Variants in LHFPL6 observed in about 807,000 individuals in gnomAD.
LHFPL6 encodes the protein LHFPL tetraspan subfamily member 6.
LHFPL6 carries 9 observed loss-of-function variants against 20.6 expected under a neutral mutation model. That is an observed-to-expected ratio of 0.44 (90% CI 0.26 to 0.76). The LOEUF is 0.76. Ranked by LOEUF, LHFPL6 falls within the 30% of genes least tolerant of loss-of-function variation. The pLI is 0.20. For missense variants in LHFPL6, 218 were observed against 253.5 expected (o/e 0.86, Z 0.95); for synonymous variants, 105 against 98.7 (o/e 1.06, Z -0.38).
intron 3 of LHFPL6, among the ~76,000 whole-genome samples, chr13:39,361,394 T>G (rs528853064): frequency 6.6e-6 from 1 of 152,100 alleles, no homozygotes; most frequent in Non-Finnish European, 1.5e-5. Context: ...CTTGGCTCAC[T>G]GCAACCTCCG....
At chr13:39,486,181 T>C (rs1434854635) in intron 2 of LHFPL6, among the ~76,000 whole-genome samples, 1 of 151,994 alleles carries the variant, frequency 6.6e-6, no homozygotes, top group Admixed American at 6.6e-5. Context: ...CACTGGAGAG[T>C]GGAAGTGGAA....
chr13:39,513,100 T>C (rs1386010856), intron 2 of LHFPL6, among the ~76,000 whole-genome samples: 16 of 152,254 alleles, frequency 1.1e-4, no homozygotes, highest in Non-Finnish European at 1.5e-5. Context: ...TTCTGAATAA[T>C]AGCAAATAAC....
chr13:39,494,921 C>T lies in LHFPL6; in HGVS notation c.385+105911G>A, dbSNP rs1210076029. On this transcript the variant is annotated intron_variant, in intron 2 of 3. Coordinates refer to ENST00000379589, the MANE Select transcript of LHFPL6 (RefSeq NM_005780.3). ...AACAGATTGCTTATACTACCGATCACATGAGCTGGCAGCTGGAAAGTCATT... is the reference window on the plus strand; with the variant it reads ...AACAGATTGCTTATACTACCGATCATATGAGCTGGCAGCTGGAAAGTCATT... Among the ~76,000 whole-genome samples, 3 of 152,194 alleles carry T rather than the reference C, an allele frequency of 2.0e-5. No homozygotes were observed. In the East Asian group the frequency reaches 5.8e-4, roughly 29 times the overall value.
At chr13:39,533,199 C>T (rs1304070869) in intron 2 of LHFPL6, among the ~76,000 whole-genome samples, 3 of 152,162 alleles carry the variant, frequency 2.0e-5, no homozygotes, top group Non-Finnish European at 4.4e-5. Context: ...AAGTCCTTAC[C>T]CATATCTGGG....
intron 2 of LHFPL6, among the ~76,000 whole-genome samples, chr13:39,532,529 G>C: frequency 6.6e-6 from 1 of 152,094 alleles, no homozygotes; most frequent in East Asian, 1.9e-4. Flanking sequence ...GAAAATATCA[G>C]TCCTTTTTAC....
chr13:39,568,920 C>T (rs186367143), intron 2 of LHFPL6, among the ~76,000 whole-genome samples: 9 of 152,322 alleles, frequency 5.9e-5, no homozygotes, highest in African/African-American at 2.2e-4. Flanking sequence ...TTCACCCACA[C>T]TCCTCAATCA....
At chr13:39,566,577 CA>C (rs1450689129) in intron 2 of LHFPL6, among the ~76,000 whole-genome samples, 3 of 151,186 alleles carry the variant, frequency 2.0e-5, no homozygotes, top group Admixed American at 6.6e-5. Flanking sequence ...GCGGTCTCTA[CA>C]AAAAATTAGC....
chr13:39,425,293 C>T (rs1871609526), intron 2 of LHFPL6, among the ~76,000 whole-genome samples: 1 of 152,218 alleles, frequency 6.6e-6, no homozygotes, highest in African/African-American at 2.4e-5. Flanking sequence ...AGGTATATCA[C>T]AATTTGCTTA....
intron 2 of LHFPL6, among the ~76,000 whole-genome samples, chr13:39,440,789 G>A (rs559434211): frequency 7.2e-5 from 11 of 152,254 alleles, no homozygotes; most frequent in South Asian, 2.1e-4. Flanking sequence ...ATTCCCACGT[G>A]TCGTGGGAGG....
Position 39,548,984 on chromosome 13 carries a change from G to C in LHFPL6, c.385+51848C>G, listed in dbSNP as rs1228115024. Among the ~76,000 whole-genome samples, 3 of 152,116 alleles carry C rather than the reference G, an allele frequency of 2.0e-5. No homozygotes were observed. The East Asian group carries it at 5.8e-4, about 29-fold the overall frequency. ...GAAAAAGATGAAAAAACAAGTTACA[G>C]ACTGAGAAAATATTTGCAAAAGGCA... On this transcript the variant is annotated intron_variant, in intron 2 of 3. Coordinates refer to ENST00000379589, the MANE Select transcript of LHFPL6 (RefSeq NM_005780.3).
intron 2 of LHFPL6, among the ~76,000 whole-genome samples, chr13:39,404,886 T>C (rs548283657): frequency 1.2e-4 from 18 of 152,318 alleles, no homozygotes; most frequent in Admixed American, 3.3e-4. Flanking sequence ...TTGTGCAAAA[T>C]GAATGGTCAA....
At chr13:39,429,262 A>AT (rs76680906) in intron 2 of LHFPL6, among the ~76,000 whole-genome samples, 22,306 of 151,494 alleles carry the variant, frequency 0.15, 1,746 homozygotes, top group South Asian at 0.22. Context: ...GGATTTCTCT[A>AT]TTTTTCCTTG....
intron 2 of LHFPL6, among the ~76,000 whole-genome samples, chr13:39,473,885 TTTC>T (rs1156966224): frequency 6.6e-6 from 1 of 152,244 alleles, no homozygotes; most frequent in Non-Finnish European, 1.5e-5. Flanking sequence ...GTCTAATTTA[TTTC>T]TTCTTCTGCT....
At chr13:39,530,944 C>G (rs1207290416) in intron 2 of LHFPL6, among the ~76,000 whole-genome samples, 1 of 151,616 alleles carries the variant, frequency 6.6e-6, no homozygotes, top group Non-Finnish European at 1.5e-5. Context: ...GAAACTCCAC[C>G]GAGATCACTA....
intron 2 of LHFPL6, among the ~76,000 whole-genome samples, chr13:39,435,808 T>C (rs1346607113): frequency 6.6e-6 from 1 of 152,158 alleles, no homozygotes; most frequent in African/African-American, 2.4e-5. Context: ...CATATTTGTA[T>C]GAACCTGTAT....
At chr13:39,351,954 C>A (rs1038474494) in intron 3 of LHFPL6, among the ~76,000 whole-genome samples, 15 of 152,178 alleles carry the variant, frequency 9.9e-5, no homozygotes, top group African/African-American at 3.4e-4. Flanking sequence ...GGGGGGCTGC[C>A]TGATTTGCGA....
At chr13:39,370,610 T>A (rs7333210) in intron 3 of LHFPL6, among the ~76,000 whole-genome samples, 7,942 of 152,284 alleles carry the variant, frequency 0.052, 356 homozygotes, top group African/African-American at 0.12. Context: ...CTTCCTGAGC[T>A]GAGTGACAGA....
At chr13:39,460,556 G>A (rs1872666148) in intron 2 of LHFPL6, among the ~76,000 whole-genome samples, 1 of 152,150 alleles carries the variant, frequency 6.6e-6, no homozygotes, top group African/African-American at 2.4e-5. Context: ...GTTCTTTCAA[G>A]TTACTTGGTA....
At chr13:39,513,366 C>G (rs1425339928) in intron 2 of LHFPL6, among the ~76,000 whole-genome samples, 8 of 152,156 alleles carry the variant, frequency 5.3e-5, no homozygotes, top group Non-Finnish European at 1.2e-4. Flanking sequence ...CTTATACTCC[C>G]AAGTTTGTAT....
Sources: allele counts gnomAD v4.1 joint callset (sites outside exome capture counted in the v4.1 genomes callset), GRCh38; gene constraint gnomAD v4.1.1; transcripts MANE v1.5; gene names NCBI Gene and HGNC (gene_info 2026-07-23, HGNC 2026-07-21).